WDR44: variants seen among roughly 807,000 people sequenced by gnomAD.
The protein encoded by WDR44 is WD repeat-containing protein 44.
A neutral mutation model predicts 65.7 loss-of-function variants in WDR44; 9 were observed. That is an observed-to-expected ratio of 0.14 (90% CI 0.08 to 0.24). The LOEUF (loss-of-function observed/expected upper bound fraction) is 0.24. Among genes scored for constraint, WDR44 ranks in the 10% least tolerant of loss-of-function variants. The pLI is 1.00. For missense variants in WDR44, 425 were observed against 670.9 expected (o/e 0.63, Z 4.05); for synonymous variants, 220 against 235.2 (o/e 0.94, Z 0.59).
chrX:118,387,384 A>G lies in WDR44; in HGVS notation c.156A>G (p.Val52=). 1 of 1,200,281 alleles carries G rather than the reference A, an allele frequency of 8.3e-7. No homozygotes were observed. ...ACAAAGTTGGAAATGAGTCCCCTGT[A>G]CAAGAATTGAAACAAGATGTGTCTA... ...TAYKVGNESP[V]QELKQDVSKK... The change falls in exon 3 of 20, where the codon GTA becomes GTG. Residue 52 remains valine (V), a synonymous_variant. Transcript: ENST00000254029.
At chrX:118,436,645 A>G in intron 13 of WDR44, 57 bp from the exon 14 acceptor site, 1 of 1,155,189 alleles carries the variant, frequency 8.7e-7, no homozygotes, top group South Asian at 2.0e-5. Context: ...CTTTTATTGT[A>G]TAAATAGGGT....
At chrX:118,351,777 C>A (rs1037779403) in intron 1 of WDR44, among the ~76,000 whole-genome samples, 1 of 110,147 alleles carries the variant, frequency 9.1e-6, no homozygotes, top group Non-Finnish European at 1.9e-5. Context: ...TGGTCAAACC[C>A]CATCTCTACT....
At chrX:118,394,003 A>G in intron 4 of WDR44, 52 bp from the exon 5 acceptor site, 1 of 1,106,767 alleles carries the variant, frequency 9.0e-7, no homozygotes, top group Non-Finnish European at 1.2e-6. Flanking sequence ...GGGTTGTTAC[A>G]AGAATCAAAC....
At chrX:118,373,851 G>T (rs888675399) in intron 1 of WDR44, among the ~76,000 whole-genome samples, 11 of 111,888 alleles carry the variant, frequency 9.8e-5, no homozygotes, top group African/African-American at 3.6e-4. Flanking sequence ...AGGGCTGTGA[G>T]GACCAAAGAA....
intron 6 of WDR44, 74 bp downstream of exon 6, chrX:118,395,418 C>T (rs778937011): frequency 2.3e-4 from 194 of 836,787 alleles, no homozygotes; most frequent in Non-Finnish European, 3.3e-4. Flanking sequence ...TGAAAACGTT[C>T]TGGAGATGGA....
intron 13 of WDR44, among the ~76,000 whole-genome samples, chrX:118,434,507 A>G (rs1287150696): frequency 2.7e-5 from 3 of 111,664 alleles, no homozygotes; most frequent in Non-Finnish European, 5.6e-5. Context: ...TTTTCTAGTA[A>G]ATGTTTTCTG....
chrX:118,360,488 G>A (rs1227648916), intron 1 of WDR44, among the ~76,000 whole-genome samples: 1 of 111,808 alleles, frequency 8.9e-6, no homozygotes, highest in East Asian at 2.8e-4. Context: ...TGTTTCCTGA[G>A]GACCAGACAC....
At chrX:118,433,709 A>G (rs1355805040) in intron 13 of WDR44, among the ~76,000 whole-genome samples, 3 of 112,091 alleles carry the variant, frequency 2.7e-5, no homozygotes, top group Non-Finnish European at 5.6e-5. Flanking sequence ...ATGTTCAATT[A>G]ATATTAGCAG....
intron 19 of WDR44, chrX:118,445,170 C>T: frequency 4.4e-6 from 1 of 229,714 alleles, no homozygotes; most frequent in Non-Finnish European, 8.1e-6. Context: ...TGGCGGGTGC[C>T]TGTAATCCTA....
At chrX:118,416,766 T>C (rs926864836) in intron 12 of WDR44, among the ~76,000 whole-genome samples, 1 of 111,893 alleles carries the variant, frequency 8.9e-6, no homozygotes. Flanking sequence ...TGATGACCTG[T>C]CTAGTGCTGT....
chrX:118,348,419 A>G (rs2056373012), intron 1 of WDR44, among the ~76,000 whole-genome samples: 1 of 112,174 alleles, frequency 8.9e-6, no homozygotes, highest in African/African-American at 3.2e-5. Context: ...CTCTGATATT[A>G]GGTGAAAACT....
At chrX:118,357,438 A>G (rs780143081) in intron 1 of WDR44, among the ~76,000 whole-genome samples, 200 of 112,200 alleles carry the variant, frequency 1.8e-3, no homozygotes, top group Non-Finnish European at 3.1e-3. Context: ...GGTGATGAGC[A>G]GTGAACTCAA....
chrX:118,405,959 T>G (rs1214917966), intron 9 of WDR44, among the ~76,000 whole-genome samples: 1 of 110,215 alleles, frequency 9.1e-6, no homozygotes, highest in Non-Finnish European at 1.9e-5. Context: ...TGGTCAAACA[T>G]AGTGAGACCC....
chrX:118,401,625 G>T (rs1344835141), intron 8 of WDR44, among the ~76,000 whole-genome samples: 1 of 85,731 alleles, frequency 1.2e-5, no homozygotes, highest in Non-Finnish European at 2.2e-5. Context: ...TAGGTTGCCT[G>T]TTCACTCTGA....
Position 118,441,104 on chromosome X carries a change from C to T in WDR44, c.1975-264C>T, listed in dbSNP as rs762669159. ...CCTCCCGAGTAGCTGGGACTACAGC[C>T]GCGCACCACCATGCCCAGCTAATTT... is the stretch of plus-strand genomic sequence containing the variant. On this transcript the variant is annotated intron_variant, in intron 14 of 19. Coordinates refer to ENST00000254029, the MANE Select transcript of WDR44 (RefSeq NM_019045.5). Among the ~76,000 whole-genome samples the T allele has an allele frequency of 7.4e-5, 8 of 107,810 alleles. No individual in the cohort carries two copies. In the South Asian group the frequency reaches 2.0e-3, roughly 27 times the overall value. 93.6% of individuals were successfully genotyped at this position (107,810 alleles called of 115,157 possible). A position where few individuals can be genotyped will look rare whatever the true frequency, so the allele number is the denominator to read the frequency against.
intron 6 of WDR44, among the ~76,000 whole-genome samples, chrX:118,395,740 A>C (rs1290391024): frequency 8.9e-6 from 1 of 111,985 alleles, no homozygotes; most frequent in Non-Finnish European, 1.9e-5. Context: ...CTTGATATTG[A>C]GGCCAGGTGT....
chrX:118,377,566 G>A (rs963140299), intron 1 of WDR44, among the ~76,000 whole-genome samples: 2 of 110,584 alleles, frequency 1.8e-5, no homozygotes, highest in Non-Finnish European at 3.8e-5. Flanking sequence ...TAAGAAACAG[G>A]CATTCACAGA....
chrX:118,390,216 C>T (rs187349782), intron 3 of WDR44, among the ~76,000 whole-genome samples: 146 of 111,144 alleles, frequency 1.3e-3, no homozygotes, highest in African/African-American at 4.5e-3. Context: ...GTCACCGTGT[C>T]CGGTCACAGT....
chrX:118,349,706 C>T (rs1167523888), intron 1 of WDR44, among the ~76,000 whole-genome samples: 1 of 110,700 alleles, frequency 9.0e-6, no homozygotes, highest in Admixed American at 9.6e-5. Context: ...TACAGGTGTG[C>T]GCCACCACGC....
Sources: gnomAD v4.1 joint callset for allele counts (sites outside exome capture counted in the v4.1 genomes callset) on GRCh38, gnomAD v4.1.1 for gene constraint, MANE v1.5 for transcripts, NCBI Gene and HGNC (gene_info 2026-07-23, HGNC 2026-07-21) for gene names.